The following PIEZO2 variants were observed in gnomAD, a reference collection of about 807,000 sequenced individuals.
The protein encoded by PIEZO2 is piezo-type mechanosensitive ion channel component 2.
A neutral mutation model predicts 337.3 loss-of-function variants in PIEZO2; 172 were observed. The ratio of observed to expected loss-of-function variants is 0.51; its 90% CI spans 0.45 to 0.58. The LOEUF (loss-of-function observed/expected upper bound fraction) is 0.58. PIEZO2 is among the 20% of genes least tolerant of loss of function. The pLI is 0.00. For missense variants in PIEZO2, 3,028 were observed against 3,391.3 expected, an observed-to-expected ratio of 0.89 and a Z score of 2.66; for synonymous variants, 1,251 against 1,228.5, an observed-to-expected ratio of 1.02 and a Z score of -0.38.
At chr18:10,964,429 G>C (rs1349643992) in intron 3 of PIEZO2, among the ~76,000 whole-genome samples, 1 of 152,058 alleles carries the variant, frequency 6.6e-6, no homozygotes, top group Non-Finnish European at 1.5e-5. Context: ...ATATTCTACA[G>C]AAATAAACAC....
chr18:10,794,747 G>C lies in PIEZO2; in HGVS notation c.1758+25C>G, dbSNP rs1240540753. ...GATTGTGGTTTTGTGTCATTGTTTT[G>C]TTTTATTGTATTCTATTCACTTACT... On this transcript the variant is annotated intron_variant, in intron 13 of 55. Transcript: ENST00000674853. This position sits in a 1 kb window ranked among gnomAD's most constrained non-coding sequence, Gnocchi z 6.6. 1.4e-6 allele frequency: 2 copies of C among 1,439,942 alleles called. No individual in the cohort carries two copies. The highest frequency in any genetic ancestry group is 2.5e-5 in the East Asian group (1 of 40,298). The allele number at this position is 1,439,942 out of a possible 1,614,324, so 89.2% of individuals were successfully genotyped here. A position where few individuals can be genotyped will look rare whatever the true frequency, so the allele number is the denominator to read the frequency against.
chr18:10,925,662 C>T (rs2031684805), intron 3 of PIEZO2, among the ~76,000 whole-genome samples: 1 of 152,226 alleles, frequency 6.6e-6, no homozygotes. Flanking sequence ...TCACTGTAAG[C>T]TCTGCCTCCC....
At chr18:10,729,808 A>G (rs549235421) in intron 36 of PIEZO2, among the ~76,000 whole-genome samples, 1 of 152,202 alleles carries the variant, frequency 6.6e-6, no homozygotes, top group South Asian at 2.1e-4. Flanking sequence ...TACTGTCTTG[A>G]GGTACTACTC....
intron 3 of PIEZO2, among the ~76,000 whole-genome samples, chr18:10,960,612 T>C (rs1172171486): frequency 6.6e-6 from 1 of 152,028 alleles, no homozygotes; most frequent in African/African-American, 2.4e-5. Flanking sequence ...TTGGTTTGTA[T>C]AAATTAACTG....
rs2034616487 is a variant in PIEZO2 at position 10,980,300 on chromosome 18, T to C, written c.161-640A>G. On this transcript the variant is annotated intron_variant, in intron 2 of 55. Coordinates refer to ENST00000674853, the MANE Select transcript of PIEZO2 (RefSeq NM_001378183.1). This position sits in a 1 kb window ranked among gnomAD's most constrained non-coding sequence, Gnocchi z 4.8. ...TGGGTTGCTATCATGGTTTTCTCAA[T>C]TGGCACCAAAGAAATGTTTCATAAA... Among the ~76,000 whole-genome samples, 1 of 152,112 alleles carries C rather than the reference T, an allele frequency of 6.6e-6. No individual in the cohort carries two copies. Among genetic ancestry groups the C allele is most frequent in the African/African-American group, 2.4e-5 (1 of 41,422 alleles).
intron 2 of PIEZO2, among the ~76,000 whole-genome samples, chr18:11,051,996 T>C (rs1719502335): frequency 6.6e-6 from 1 of 152,240 alleles, no homozygotes; most frequent in Admixed American, 6.5e-5. Flanking sequence ...GTTTCAATTT[T>C]TCAATAGGAG....
chr18:10,767,414 C>T lies in PIEZO2; in HGVS notation c.2946+2734G>A, dbSNP rs532286426. On this transcript the variant is annotated intron_variant, in intron 21 of 55. Transcript: ENST00000674853. This position sits in a 1 kb window ranked among gnomAD's most constrained non-coding sequence, Gnocchi z 4.2. ...GCCTTGGGTAAGGATGTCTGGAACC[C>T]AGAGCTGCCACAGCTCCTGAAGAGC... Among the ~76,000 whole-genome samples the T allele has an allele frequency of 6.6e-6, 1 of 152,208 alleles. No homozygotes were observed. The highest frequency in any genetic ancestry group is 2.1e-4 in the South Asian group (1 of 4,824).
rs960172604 is a variant in PIEZO2, at chr18:11,097,330, C to T, written c.65-31108G>A. Among the ~76,000 whole-genome samples, 1 of 152,232 alleles carries T rather than the reference C, an allele frequency of 6.6e-6. No individual in the cohort carries two copies. Among genetic ancestry groups the T allele is most frequent in the African/African-American group, 2.4e-5 (1 of 41,460 alleles). On this transcript the variant is annotated intron_variant, in intron 1 of 55. Transcript: ENST00000674853. This position sits in a 1 kb window ranked among gnomAD's most constrained non-coding sequence, Gnocchi z 5.0. Reference sequence around the variant, plus strand: ...TCAGGCTCCTTCTTCTAAGTATTTTCTATGGCTGTTTCTGCAGTTCAATGG... The same window carrying T: ...TCAGGCTCCTTCTTCTAAGTATTTTTTATGGCTGTTTCTGCAGTTCAATGG...
At chr18:10,680,485 G>T in intron 51 of PIEZO2, 114 bp from the exon 52 acceptor site, 1 of 1,023,000 alleles carries the variant, frequency 9.8e-7, no homozygotes, top group Non-Finnish European at 1.4e-6. Flanking sequence ...CCCTTTGAAG[G>T]GAATATTTTT....
At chr18:10,729,531 C>T (rs1260166095) in intron 36 of PIEZO2, among the ~76,000 whole-genome samples, 4 of 148,364 alleles carry the variant, frequency 2.7e-5, no homozygotes, top group Middle Eastern at 3.2e-3. Flanking sequence ...GGCTGAGGCA[C>T]GAGAATCGCT....
At position 11,069,462 on chromosome 18, in the gene PIEZO2, T is replaced by A. The variant is rs964610604; in HGVS notation, c.65-3240A>T. On this transcript the variant is annotated intron_variant, in intron 1 of 55. Transcript: ENST00000674853. The surrounding 1 kb of genome is among the most constrained non-coding windows in gnomAD (Gnocchi z 4.9). ...TCTCAAAAGATGCAGAAAAACTATC[T>A]GACAAAATTCAACACCCTTCATGGT... Among the ~76,000 whole-genome samples the A allele has an allele frequency of 6.6e-6, 1 of 152,172 alleles. No homozygotes were observed. The highest frequency in any genetic ancestry group is 2.4e-5 in the African/African-American group (1 of 41,436).
At chr18:11,113,757 A>G (rs1414023010) in intron 1 of PIEZO2, among the ~76,000 whole-genome samples, 1 of 152,208 alleles carries the variant, frequency 6.6e-6, no homozygotes, top group Non-Finnish European at 1.5e-5. Flanking sequence ...CTCTGTGACA[A>G]CGCAGGCCTT....
At chr18:11,011,794 C>T (rs2035912832) in intron 2 of PIEZO2, among the ~76,000 whole-genome samples, 1 of 152,280 alleles carries the variant, frequency 6.6e-6, no homozygotes, top group South Asian at 2.1e-4. Context: ...TTAGTATTTT[C>T]CATAACTCTT....
chr18:10,694,457 A>G (rs1204644700), intron 47 of PIEZO2, among the ~76,000 whole-genome samples: 3 of 152,188 alleles, frequency 2.0e-5, no homozygotes, highest in African/African-American at 7.2e-5. Context: ...CTTGGCTACA[A>G]ATGACTCAGA....
chr18:11,064,617 G>T (rs1246365992), intron 2 of PIEZO2, among the ~76,000 whole-genome samples: 1 of 152,148 alleles, frequency 6.6e-6, no homozygotes, highest in South Asian at 2.1e-4. Flanking sequence ...TCAACTGTTT[G>T]TCACGTCTGA....
At chr18:10,951,873 A>T (rs1357602300) in intron 3 of PIEZO2, among the ~76,000 whole-genome samples, 1 of 152,118 alleles carries the variant, frequency 6.6e-6, no homozygotes, top group African/African-American at 2.4e-5. Flanking sequence ...AAAATATTCA[A>T]GTAATATTTG....
intron 3 of PIEZO2, among the ~76,000 whole-genome samples, chr18:10,957,092 G>A (rs1252302036): frequency 6.6e-6 from 1 of 151,852 alleles, no homozygotes; most frequent in Non-Finnish European, 1.5e-5. Context: ...GGAAAGGACA[G>A]TCTCCTCAAT....
rs2039880190 is a variant in PIEZO2 at position 11,116,134 on chromosome 18, T to G, written c.64+32391A>C. Among the ~76,000 whole-genome samples the G allele has an allele frequency of 1.3e-5, 2 of 152,214 alleles. No homozygotes were observed. Among genetic ancestry groups the G allele is most frequent in the Non-Finnish European group, 2.9e-5 (2 of 68,042 alleles). On this transcript the variant is annotated intron_variant, in intron 1 of 55. Transcript: ENST00000674853. The surrounding 1 kb of genome is among the most constrained non-coding windows in gnomAD (Gnocchi z 5.0). ...AAAGATACAGTAGCTATAATTGCTA[T>G]TTCCCAACATTCTTCATAAAAGATT...
At chr18:11,140,736 A>G (rs527834130) in intron 1 of PIEZO2, among the ~76,000 whole-genome samples, 16 of 152,316 alleles carry the variant, frequency 1.1e-4, no homozygotes, top group Admixed American at 2.0e-4. Context: ...TGTCATGGCC[A>G]CAGACCGACT....
Sources: gnomAD v4.1 joint callset for allele counts (sites outside exome capture counted in the v4.1 genomes callset) on GRCh38, gnomAD v4.1.1 for gene constraint, Gnocchi (gnomAD v3.1) non-coding constraint, MANE v1.5 for transcripts, NCBI Gene and HGNC (gene_info 2026-07-23, HGNC 2026-07-21) for gene names.